ADARB2: variants seen among roughly 807,000 people sequenced by gnomAD.
ADARB2 encodes inactive double-stranded RNA-specific editase B2.
Under a neutral mutation model 62.2 loss-of-function variants are expected in ADARB2, and 25 were observed. The observed-to-expected ratio is 0.40, with a 90% CI of 0.29 to 0.56. The LOEUF (loss-of-function observed/expected upper bound fraction) is 0.56, where lower values mean the gene tolerates loss of function less well. Among genes scored for constraint, ADARB2 ranks in the 20% least tolerant of loss-of-function variants. The pLI is 0.43. For missense variants in ADARB2, 1,071 were observed against 1,077.4 expected, an observed-to-expected ratio of 0.99 and a Z score of 0.08; for synonymous variants, 572 against 500.8, an observed-to-expected ratio of 1.14 and a Z score of -1.90.
intron 1 of ADARB2, among the ~76,000 whole-genome samples, chr10:1,633,948 T>C (rs1040695470): frequency 2.0e-5 from 3 of 152,134 alleles, no homozygotes; most frequent in South Asian, 4.1e-4. Context: ...ACATGGCACC[T>C]CACGAGCCCC....
chr10:1,737,299 C>G lies in ADARB2; in HGVS notation c.-149G>C. 1.4e-6 allele frequency: 1 copy of G among 697,504 alleles called. No homozygotes were observed. The highest frequency in any genetic ancestry group is 2.4e-6 in the Non-Finnish European group (1 of 418,768). The allele number at this position is 697,504 out of a possible 1,614,324, so 43.2% of individuals were successfully genotyped here. A position where few individuals can be genotyped will look rare whatever the true frequency, so the allele number is the denominator to read the frequency against. ...TTTCAGGACTGAGCAGGAAAGCGCGCTCCGTCTCTCTGTCTCTCGAATTGT... is the reference window on the plus strand; with the variant it reads ...TTTCAGGACTGAGCAGGAAAGCGCGGTCCGTCTCTCTGTCTCTCGAATTGT... On this transcript the variant is annotated 5_prime_UTR_variant, in exon 1 of 10. Coordinates refer to ENST00000381312, the MANE Select transcript of ADARB2 (RefSeq NM_018702.4).
At chr10:1,627,651 A>C (rs1435983237) in intron 1 of ADARB2, among the ~76,000 whole-genome samples, 1 of 152,204 alleles carries the variant, frequency 6.6e-6, no homozygotes, top group Non-Finnish European at 1.5e-5. Flanking sequence ...AGAAATGGAG[A>C]TGCAGAAGCA....
rs1836702658 is a variant in ADARB2 at position 1,183,142 on chromosome 10, G to T, written c.*51C>A. ...CCCGCCACGTCGCCCCCCAGACACG[G>T]TCCCATCCCTCCAGCGTCCCGCTCA... On this transcript the variant is annotated 3_prime_UTR_variant, in exon 10 of 10. Coordinates refer to ENST00000381312, the MANE Select transcript of ADARB2 (RefSeq NM_018702.4). 6.3e-7 allele frequency: 1 copy of T among 1,589,946 alleles called. No individual in the cohort carries two copies. Among genetic ancestry groups the T allele is most frequent in the African/African-American group, 1.3e-5 (1 of 74,404 alleles).
chr10:1,186,559 C>T (rs370359066), intron 8 of ADARB2: 211 of 519,046 alleles, frequency 4.1e-4, no homozygotes, highest in African/African-American at 2.8e-3. Context: ...CATGCCTCCT[C>T]GCAGATCAGC....
intron 1 of ADARB2, among the ~76,000 whole-genome samples, chr10:1,428,997 G>A (rs910950350): frequency 1.3e-5 from 2 of 151,074 alleles, no homozygotes; most frequent in Non-Finnish European, 3.0e-5. Context: ...GGGCACCAGT[G>A]TCTATATTCT....
intron 7 of ADARB2, among the ~76,000 whole-genome samples, chr10:1,200,633 T>C (rs1167707960): frequency 6.6e-6 from 1 of 152,150 alleles, no homozygotes; most frequent in Non-Finnish European, 1.5e-5. Context: ...GGTCTGGGCA[T>C]GATTTTGGTT....
intron 1 of ADARB2, among the ~76,000 whole-genome samples, chr10:1,570,965 C>T (rs549206178): frequency 6.6e-6 from 1 of 152,280 alleles, no homozygotes; most frequent in South Asian, 2.1e-4. Flanking sequence ...AGGGCAAACA[C>T]CTGCTGGGCT....
intron 1 of ADARB2, among the ~76,000 whole-genome samples, chr10:1,734,633 C>G (rs1835277049): frequency 6.6e-6 from 1 of 152,176 alleles, no homozygotes. Context: ...TGACAGGCAA[C>G]AGGGTCAGCA....
chr10:1,266,156 C>T (rs1033131935), intron 4 of ADARB2, among the ~76,000 whole-genome samples: 3 of 152,192 alleles, frequency 2.0e-5, no homozygotes, highest in African/African-American at 7.2e-5. Flanking sequence ...CGGTCCACGC[C>T]CTCTGAGAAG....
chr10:1,188,569 C>A (rs1056070275), intron 8 of ADARB2, among the ~76,000 whole-genome samples: 50 of 151,846 alleles, frequency 3.3e-4, no homozygotes, highest in Admixed American at 1.8e-3. Context: ...CCCAAGGCAG[C>A]CTGGAAGAAT....
chr10:1,523,561 T>C (rs1175018697), intron 1 of ADARB2, among the ~76,000 whole-genome samples: 1 of 152,226 alleles, frequency 6.6e-6, no homozygotes, highest in Non-Finnish European at 1.5e-5. Flanking sequence ...AGTTTCTGCA[T>C]TTTGACCATG....
chr10:1,334,321 C>T (rs11250427), intron 3 of ADARB2, among the ~76,000 whole-genome samples: 128 of 152,326 alleles, frequency 8.4e-4, no homozygotes, highest in African/African-American at 2.5e-3. Context: ...ATCAAACGCC[C>T]TGCTTGCTGT....
At chr10:1,691,916 T>C (rs1401698639) in intron 1 of ADARB2, among the ~76,000 whole-genome samples, 9 of 152,144 alleles carry the variant, frequency 5.9e-5, no homozygotes, top group Non-Finnish European at 1.2e-4. Flanking sequence ...TGTGTGTGTG[T>C]GTGTGCACGC....
chr10:1,657,093 T>C (rs1483478140), intron 1 of ADARB2, among the ~76,000 whole-genome samples: 2 of 149,120 alleles, frequency 1.3e-5, no homozygotes. Context: ...CCAAATTCTA[T>C]TTTTTTTTTC....
chr10:1,199,416 G>A (rs1192255002), intron 8 of ADARB2: 1 of 152,562 alleles, frequency 6.6e-6, no homozygotes, highest in Non-Finnish European at 1.5e-5. Flanking sequence ...GGCTTGGGGA[G>A]GCTCGGGTCT....
chr10:1,425,818 C>A (rs1832889305), intron 1 of ADARB2, among the ~76,000 whole-genome samples: 1 of 152,198 alleles, frequency 6.6e-6, no homozygotes, highest in African/African-American at 2.4e-5. Flanking sequence ...ATGAAGACAT[C>A]ATGGGCAGGA....
At chr10:1,302,983 A>G (rs1282298638) in intron 3 of ADARB2, among the ~76,000 whole-genome samples, 1 of 152,234 alleles carries the variant, frequency 6.6e-6, no homozygotes, top group Non-Finnish European at 1.5e-5. Flanking sequence ...CTCCTCCTCC[A>G]AAGGAACACA....
chr10:1,485,416 C>T (rs994370834), intron 1 of ADARB2, among the ~76,000 whole-genome samples: 2 of 152,030 alleles, frequency 1.3e-5, no homozygotes, highest in Admixed American at 1.3e-4. Flanking sequence ...GATATAGGTG[C>T]AGATGCAGGC....
chr10:1,497,431 C>A (rs754514625), intron 1 of ADARB2, among the ~76,000 whole-genome samples: 3 of 152,130 alleles, frequency 2.0e-5, no homozygotes, highest in Non-Finnish European at 4.4e-5. Flanking sequence ...TGGAAATATG[C>A]AGAAAACACA....
Sources: allele counts gnomAD v4.1 joint callset (sites outside exome capture counted in the v4.1 genomes callset), GRCh38; gene constraint gnomAD v4.1.1; transcripts MANE v1.5; gene names NCBI Gene and HGNC (gene_info 2026-07-23, HGNC 2026-07-21).